KDM6B: variants seen among roughly 807,000 people sequenced by gnomAD.
KDM6B encodes the protein lysine demethylase 6B.
KDM6B carries 22 observed loss-of-function variants against 150.4 expected under a neutral mutation model. The ratio of observed to expected loss-of-function variants is 0.15; its 90% CI spans 0.10 to 0.21. The LOEUF is 0.21. KDM6B is among the 10% of genes least tolerant of loss of function. The pLI is 1.00. For missense variants in KDM6B, 1,984 were observed against 2,234.3 expected (o/e 0.89, Z 2.26); for synonymous variants, 1,148 against 921.1 (o/e 1.25, Z -4.46).
In KDM6B at chr17:7,845,946, C is replaced by G; in HGVS notation, c.212C>G (p.Pro71Arg). ...TCACATGGCAGTAGTTCTGGGCACCCCAGCAAACCATATTATGCTCCAGGG... is the reference window on the plus strand; with the variant it reads ...TCACATGGCAGTAGTTCTGGGCACCGCAGCAAACCATATTATGCTCCAGGG... ...PPSHGSSSGHPSKPYYAPGAP... is the reference protein window; with the variant it reads ...PPSHGSSSGHRSKPYYAPGAP... The change falls in exon 6 of 24, where the codon CCC becomes CGC. Residue 71 changes from proline (P) to arginine (R), a missense_variant. Around this residue, in one of 13 missense-constraint regions of KDM6B, gnomAD observed 337 missense variants for 323.9 expected, o/e 1.04. Transcript: ENST00000448097. 1 of 1,613,962 alleles carries G rather than the reference C, an allele frequency of 6.2e-7. No homozygotes were observed. The highest frequency in any genetic ancestry group is 8.5e-7 in the Non-Finnish European group (1 of 1,179,842).
At position 7,848,113 on chromosome 17, in the gene KDM6B, G is replaced by A. The variant is rs139806027; in HGVS notation, c.1825G>A (p.Ala609Thr). ...LVPLTLALPP[A>T]PPSSCHQNTS... is the part of the protein sequence containing the mutation. The stretch of plus-strand genomic sequence containing the variant: ...ACCCCTGACTCTTGCCCTGCCTCCA[G>A]CCCCTCCTTCCTCCTGCCACCAAAA... The change falls in exon 12 of 24, where the codon GCC (alanine) becomes ACC (threonine). Residue 609 changes from alanine (A) to threonine (T), a missense_variant. Coordinates refer to ENST00000448097, the MANE Select transcript of KDM6B (RefSeq NM_001348716.2). 199 of 1,612,178 alleles carry A rather than the reference G, an allele frequency of 1.2e-4. No homozygotes were observed. The African/African-American group carries it at 2.0e-3, about 16-fold the overall frequency.
In KDM6B at chr17:7,854,741, T is replaced by A. The variant is rs1040511706; in HGVS notation, c.*1220T>A. On this transcript the variant is annotated 3_prime_UTR_variant, in exon 24 of 24. Coordinates refer to ENST00000448097, the MANE Select transcript of KDM6B (RefSeq NM_001348716.2). Reference sequence around the variant, plus strand: ...AGGGGTCTTCCCAACCCTACCCCTATTTTCGGTGATTTTTGTGTGAGAATA... The same window carrying A: ...AGGGGTCTTCCCAACCCTACCCCTAATTTCGGTGATTTTTGTGTGAGAATA... 4 of 270,796 alleles carry A rather than the reference T, an allele frequency of 1.5e-5. No individual in the cohort carries two copies. The highest frequency in any genetic ancestry group is 8.9e-5 in the African/African-American group (4 of 44,908). 16.8% of individuals were successfully genotyped at this position (270,796 alleles called of 1,614,324 possible).
Position 7,854,045 on chromosome 17 carries a change from ATT to A in KDM6B, c.*529_*530del, listed in dbSNP as rs1244268277. The stretch of plus-strand genomic sequence containing the variant: ...CTTTATTCACTTGGTTATGATTTGT[ATT>A]TTTTGTTCTTTTCTTGTTTTTTTGT... On this transcript the variant is annotated 3_prime_UTR_variant, in exon 24 of 24. Coordinates refer to ENST00000448097, the MANE Select transcript of KDM6B (RefSeq NM_001348716.2). 2.0e-5 allele frequency: 3 copies of A among 152,392 alleles called. No individual in the cohort carries two copies. The highest frequency in any genetic ancestry group is 7.3e-5 in the African/African-American group (3 of 41,300). 9.4% of individuals were successfully genotyped at this position (152,392 alleles called of 1,614,324 possible). A position where few individuals can be genotyped will look rare whatever the true frequency, so the allele number is the denominator to read the frequency against.
intron 1 of KDM6B, among the ~76,000 whole-genome samples, chr17:7,836,047 G>A (rs1190102865): frequency 1.3e-5 from 2 of 152,206 alleles, no homozygotes; most frequent in African/African-American, 4.8e-5. Flanking sequence ...TGCCTTCCCG[G>A]GCTCTGGCTT....
chr17:7,851,273 G>GT, intron 15 of KDM6B, 47 bp downstream of exon 15: 1 of 1,613,444 alleles, frequency 6.2e-7, no homozygotes, highest in African/African-American at 1.3e-5. Flanking sequence ...CGGGGCTGCG[G>GT]TGGGAGGGCT....
Position 7,847,706 on chromosome 17 carries a change from G to A in KDM6B, c.1418G>A (p.Cys473Tyr). Residue 473 changes from cysteine to tyrosine, a missense_variant, in exon 12 of 24, where the codon TGT becomes TAT. Transcript: ENST00000448097. Reference sequence around the variant, plus strand: ...CCTTCCTCACCCCCTCCACCCCCCTGTCCCCGCCTCTTACGCCCCCCACCA... The same window carrying A: ...CCTTCCTCACCCCCTCCACCCCCCTATCCCCGCCTCTTACGCCCCCCACCA... ...PGPSSPPPPP[C>Y]PRLLRPPPPP... The A allele has an allele frequency of 1.0e-6, 1 of 980,942 alleles. No individual in the cohort carries two copies. Among genetic ancestry groups the A allele is most frequent in the Non-Finnish European group, 1.3e-6 (1 of 760,484 alleles). The allele number at this position is 980,942 out of a possible 1,614,324, so 60.8% of individuals were successfully genotyped here.
At position 7,847,635 on chromosome 17, in the gene KDM6B, CTTGGGGGCTCCCGCT is replaced by C; in HGVS notation, c.1348_1362del (p.Leu450_Ala454del). 6.2e-7 allele frequency: 1 copy of C among 1,611,262 alleles called. No homozygotes were observed. Among genetic ancestry groups the C allele is most frequent in the Non-Finnish European group, 8.5e-7 (1 of 1,179,474 alleles). ...CGGCACACAGCAGTCGGAAACCGTTCTTGGGGGCTCCCGCTGCCACTCCCCACCTATCCCTGCCAC... is the reference window on the plus strand; with the variant it reads ...CGGCACACAGCAGTCGGAAACCGTTCGCCACTCCCCACCTATCCCTGCCAC... On this transcript the variant is annotated inframe_deletion, in exon 12 of 24. Coordinates refer to ENST00000448097, the MANE Select transcript of KDM6B (RefSeq NM_001348716.2).
Position 7,848,639 on chromosome 17 carries a change from TC to T in KDM6B, c.2354del (p.Pro785LeufsTer109), listed in dbSNP as rs1345117988. 6.3e-7 allele frequency: 1 copy of T among 1,599,774 alleles called. No individual in the cohort carries two copies. The highest frequency in any genetic ancestry group is 8.5e-7 in the Non-Finnish European group (1 of 1,174,034). On this transcript the variant is annotated frameshift_variant, in exon 12 of 24. Transcript: ENST00000448097. LOFTEE classifies it high-confidence loss of function. ...ALPPPPPLAK[F>X]PPPSQPQPPP... Reference sequence around the variant, plus strand: ...CCACCACCACCGCCTCTAGCCAAGTTCCCTCCACCCTCTCAGCCACAGCCAC... The same window carrying T: ...CCACCACCACCGCCTCTAGCCAAGTTCCTCCACCCTCTCAGCCACAGCCAC...
At position 7,846,377 on chromosome 17, in the gene KDM6B, G is replaced by A. The variant is rs774992375; in HGVS notation, c.457-23G>A. 8 of 1,479,614 alleles carry A rather than the reference G, an allele frequency of 5.4e-6. No individual in the cohort carries two copies. The East Asian group carries it at 1.2e-4, about 23-fold the overall frequency. 91.7% of individuals were successfully genotyped at this position (1,479,614 alleles called of 1,614,324 possible). A position where few individuals can be genotyped will look rare whatever the true frequency, so the allele number is the denominator to read the frequency against. Reference sequence around the variant, plus strand: ...AGTGCCCCACCTGACATCTGCCCCTGCCCCGTGTCCCCCCACCCCCAGGCC... The same window carrying A: ...AGTGCCCCACCTGACATCTGCCCCTACCCCGTGTCCCCCCACCCCCAGGCC... On this transcript the variant is annotated intron_variant, in intron 7 of 23. Coordinates refer to ENST00000448097, the MANE Select transcript of KDM6B (RefSeq NM_001348716.2).
chr17:7,847,818 A>ACC lies in KDM6B; in HGVS notation c.1536_1537dup (p.Arg513ProfsTer70). The ACC allele has an allele frequency of 3.7e-5, 52 of 1,416,360 alleles. No individual in the cohort carries two copies. Among genetic ancestry groups the ACC allele is most frequent in the Non-Finnish European group, 4.6e-5 (49 of 1,060,930 alleles). The allele number at this position is 1,416,360 out of a possible 1,614,324, so 87.7% of individuals were successfully genotyped here. A position where few individuals can be genotyped will look rare whatever the true frequency, so the allele number is the denominator to read the frequency against. On this transcript the variant is annotated frameshift_variant, in exon 12 of 24. Coordinates refer to ENST00000448097, the MANE Select transcript of KDM6B (RefSeq NM_001348716.2). LOFTEE classifies it high-confidence loss of function. ...AAGAGCTCTTCTTTGGGACTGAGGG[A>ACC]CCCCCCCGCCCTGCCCCACCACCCC...
At chr17:7,846,371 G>GGGGCGGCGCCCGGGGCCCCCCCC in intron 7 of KDM6B, 29 bp from the exon 8 acceptor site, 1 of 1,488,920 alleles carries the variant, frequency 6.7e-7, no homozygotes, top group Non-Finnish European at 9.2e-7. Flanking sequence ...CCTGACATCT[G>GGGGCGGCGCCCGGGGCCCCCCCC]CCCCTGCCCC....
Position 7,847,012 on chromosome 17 carries a change from G to T in KDM6B, c.905G>T (p.Arg302Leu). Residue 302 changes from arginine to leucine, a missense_variant, in exon 10 of 24, where the codon CGC (arginine) becomes CTC (leucine). Transcript: ENST00000448097. ...CGCAAGGGTTCAGCACCCCCAGAGCGCCAGGTGAGCCCCTGCCTGTTGCCT... is the reference window on the plus strand; with the variant it reads ...CGCAAGGGTTCAGCACCCCCAGAGCTCCAGGTGAGCCCCTGCCTGTTGCCT... ...PERKGSAPPE[R>L]QEQRHSLPHP... The T allele has an allele frequency of 6.2e-7, 1 of 1,613,490 alleles. No individual in the cohort carries two copies. Among genetic ancestry groups the T allele is most frequent in the Non-Finnish European group, 8.5e-7 (1 of 1,179,854 alleles).
rs147318993 is a variant in KDM6B at position 7,842,107 on chromosome 17, C to T, written c.-269+2083C>T. On this transcript the variant is annotated intron_variant, in intron 2 of 23. Transcript: ENST00000448097. ...GAGTTTGCGTGCGCACTTCAGGCCT[C>T]TTACCACGCGTCCCGCGCGGCTGCG... Among the ~76,000 whole-genome samples, 179 of 152,382 alleles carry T rather than the reference C, an allele frequency of 1.2e-3. 1 individual carries two copies. Among genetic ancestry groups the T allele is most frequent in the African/African-American group, 4.2e-3 (174 of 41,600 alleles).
chr17:7,851,809 C>T lies in KDM6B; in HGVS notation c.4165+13C>T. The stretch of plus-strand genomic sequence containing the variant: ...AGCCGAACGCCAGGTGCGCTCCACG[C>T]CTGTGCGCGCTGATGCTGGAAGCGC... On this transcript the variant is annotated intron_variant, in intron 18 of 23. Coordinates refer to ENST00000448097, the MANE Select transcript of KDM6B (RefSeq NM_001348716.2). The T allele has an allele frequency of 6.4e-7, 1 of 1,556,176 alleles. No individual in the cohort carries two copies. The highest frequency in any genetic ancestry group is 1.2e-5 in the South Asian group (1 of 85,488).
rs1377966355 is a variant in KDM6B, at chr17:7,845,469, C to T, written c.-6+13C>T. ...CACTGCTGACCTGGTAAGGGAAACT[C>T]TGGGGCCGAGCTGGCTGGATGTACA... On this transcript the variant is annotated intron_variant, in intron 4 of 23. Transcript: ENST00000448097. 2.4e-5 allele frequency: 38 copies of T among 1,569,958 alleles called. No homozygotes were observed. Among genetic ancestry groups the T allele is most frequent in the Non-Finnish European group, 3.1e-5 (35 of 1,141,238 alleles).
At chr17:7,837,859 A>G (rs1567781761) in intron 1 of KDM6B, among the ~76,000 whole-genome samples, 1 of 152,134 alleles carries the variant, frequency 6.6e-6, no homozygotes, top group Non-Finnish European at 1.5e-5. Flanking sequence ...AACCAGCGGT[A>G]ACCGTAGGAG....
chr17:7,846,983 A>G lies in KDM6B; in HGVS notation c.876A>G (p.Pro292=). ...WSTLHGDAWG[P]ERKGSAPPER... ...CCCTGCATGGAGATGCCTGGGGCCC[A>G]GAGCGCAAGGGTTCAGCACCCCCAG... The change falls in exon 10 of 24, where the codon CCA becomes CCG. Residue 292 remains proline (P), a synonymous_variant. Transcript: ENST00000448097. 1 of 1,601,856 alleles carries G rather than the reference A, an allele frequency of 6.2e-7. No homozygotes were observed. Among genetic ancestry groups the G allele is most frequent in the Non-Finnish European group, 8.5e-7 (1 of 1,173,028 alleles).
chr17:7,851,906 A>G (rs568611068), intron 18 of KDM6B, 45 bp from the exon 19 acceptor site: 5 of 1,606,960 alleles, frequency 3.1e-6, no homozygotes, highest in Admixed American at 1.7e-5. Flanking sequence ...CGGGGATCGC[A>G]GTTCCGACCT....
chr17:7,853,030 C>G lies in KDM6B; in HGVS notation c.4641C>G (p.Cys1547Trp). ...KFCLLQSMKH[C>W]QVQRESLVRA... ...GCCTGCTGCAGTCCATGAAGCACTG[C>G]CAGGTGCAACGCGAGAGCCTGGTGC... is the stretch of plus-strand genomic sequence containing the variant. The change falls in exon 22 of 24, where the codon TGC (cysteine) becomes TGG (tryptophan). Residue 1547 changes from cysteine to tryptophan, a missense_variant. Transcript: ENST00000448097. The G allele has an allele frequency of 6.2e-7, 1 of 1,614,064 alleles. No homozygotes were observed. Among genetic ancestry groups the G allele is most frequent in the Non-Finnish European group, 8.5e-7 (1 of 1,180,024 alleles).
Sources: allele counts gnomAD v4.1 joint callset (sites outside exome capture counted in the v4.1 genomes callset), GRCh38; gene constraint gnomAD v4.1.1; regional missense constraint gnomAD v4.1.1; transcripts MANE v1.5; gene names NCBI Gene and HGNC (gene_info 2026-07-23, HGNC 2026-07-21).